The following VWC2 variants were observed in gnomAD, a reference collection of about 807,000 sequenced individuals.
VWC2 encodes von Willebrand factor C domain containing 2, also known as brorin.
In VWC2, 14 loss-of-function variants were observed where a neutral mutation model predicts 29.8. That is an observed-to-expected ratio of 0.47 (90% CI 0.31 to 0.74). VWC2 has a LOEUF of 0.74. Among genes scored for constraint, VWC2 ranks in the 30% least tolerant of loss-of-function variants. The pLI is 0.05. For missense variants in VWC2, 457 were observed against 459.8 expected, an observed-to-expected ratio of 0.99 and a Z score of 0.05; for synonymous variants, 213 against 199.0, an observed-to-expected ratio of 1.07 and a Z score of -0.59.
In VWC2 at chr7:49,905,531, T is replaced by C. The variant is rs1793037981; in HGVS notation, c.827-6503T>C. On this transcript the variant is annotated intron_variant, in intron 3 of 3. Coordinates refer to ENST00000340652, the MANE Select transcript of VWC2 (RefSeq NM_198570.5). Reference sequence around the variant, plus strand: ...ATTTTAATGTGAGGTAAACCTTGATTTCTATCATTTAAAAAAGAGTTTTAT... The same window carrying C: ...ATTTTAATGTGAGGTAAACCTTGATCTCTATCATTTAAAAAAGAGTTTTAT... Among the ~76,000 whole-genome samples the C allele has an allele frequency of 2.0e-5, 3 of 152,374 alleles. 1 individual carries two copies. In the South Asian group the frequency reaches 6.2e-4, roughly 32 times the overall value.
intron 3 of VWC2, among the ~76,000 whole-genome samples, chr7:49,829,482 C>T (rs1307588480): frequency 1.3e-5 from 2 of 152,220 alleles, no homozygotes; most frequent in Non-Finnish European, 2.9e-5. Context: ...GGCAGCCTGG[C>T]AGGGTATCTG....
At chr7:49,804,326 G>C (rs1041923926) in intron 3 of VWC2, among the ~76,000 whole-genome samples, 2 of 152,146 alleles carry the variant, frequency 1.3e-5, no homozygotes, top group South Asian at 4.2e-4. Flanking sequence ...ATCTGGCAGA[G>C]TCTCGGTGTG....
intron 3 of VWC2, among the ~76,000 whole-genome samples, chr7:49,829,364 TA>T (rs1337008782): frequency 6.6e-6 from 1 of 152,158 alleles, no homozygotes; most frequent in African/African-American, 2.4e-5. Flanking sequence ...TTTGGGTTTC[TA>T]GGGAGTTCCT....
At chr7:49,834,723 A>T (rs1278531942) in intron 3 of VWC2, among the ~76,000 whole-genome samples, 1 of 152,214 alleles carries the variant, frequency 6.6e-6, no homozygotes, top group Non-Finnish European at 1.5e-5. Context: ...CAAATCCCAG[A>T]GTAATATCAG....
chr7:49,861,123 T>C (rs1374058914), intron 3 of VWC2, among the ~76,000 whole-genome samples: 1 of 152,240 alleles, frequency 6.6e-6, no homozygotes. Context: ...AGGGTTTCAA[T>C]TTACAAGCAT....
chr7:49,901,915 A>AGCTAACACTGTTTGCTAACACT (rs1792758807), intron 3 of VWC2, among the ~76,000 whole-genome samples: 1 of 137,914 alleles, frequency 7.3e-6, no homozygotes, highest in African/African-American at 2.8e-5. Context: ...TTGCTAACAG[A>AGCTAACACTGTTTGCTAACACT]GTAAACATAG....
chr7:49,788,214 A>C (rs1788344753), intron 2 of VWC2, among the ~76,000 whole-genome samples: 1 of 152,168 alleles, frequency 6.6e-6, no homozygotes. Context: ...GTGTTGAAGG[A>C]GCTTTAACAA....
intron 3 of VWC2, among the ~76,000 whole-genome samples, chr7:49,849,105 TC>T (rs1790073132): frequency 6.6e-6 from 1 of 152,294 alleles, no homozygotes; most frequent in South Asian, 2.1e-4. Context: ...GTACTGTATT[TC>T]TTATTTCTCA....
intron 3 of VWC2, among the ~76,000 whole-genome samples, chr7:49,872,431 T>C (rs1222193157): frequency 1.3e-5 from 2 of 151,950 alleles, no homozygotes; most frequent in Non-Finnish European, 2.9e-5. Flanking sequence ...TCATAGTATA[T>C]GCAAAAATAA....
intron 3 of VWC2, among the ~76,000 whole-genome samples, chr7:49,857,369 C>A (rs1287717779): frequency 6.6e-6 from 1 of 152,174 alleles, no homozygotes; most frequent in East Asian, 1.9e-4. Context: ...GGATTTCCTT[C>A]TTTTTTAAGC....
chr7:49,823,613 T>C (rs1007285313), intron 3 of VWC2, among the ~76,000 whole-genome samples: 2 of 152,180 alleles, frequency 1.3e-5, no homozygotes, highest in Non-Finnish European at 1.5e-5. Context: ...ATGTGTTTAT[T>C]ATAATTCAGC....
intron 3 of VWC2, among the ~76,000 whole-genome samples, chr7:49,898,789 T>C (rs1792538414): frequency 6.6e-6 from 1 of 152,102 alleles, no homozygotes; most frequent in African/African-American, 2.4e-5. Context: ...AGCTGACTTA[T>C]GTTAGCTGTA....
intron 2 of VWC2, among the ~76,000 whole-genome samples, chr7:49,798,071 T>C (rs181187994): frequency 6.6e-6 from 1 of 152,344 alleles, no homozygotes; most frequent in Admixed American, 6.5e-5. Context: ...AAAATGTGCA[T>C]GGAAGTTCCT....
At chr7:49,837,088 T>C (rs1789682372) in intron 3 of VWC2, among the ~76,000 whole-genome samples, 1 of 152,250 alleles carries the variant, frequency 6.6e-6, no homozygotes, top group Non-Finnish European at 1.5e-5. Flanking sequence ...GTGGCAACTA[T>C]TGAAGTGAGT....
chr7:49,842,730 G>A (rs1196845918), intron 3 of VWC2, among the ~76,000 whole-genome samples: 1 of 152,218 alleles, frequency 6.6e-6, no homozygotes, highest in East Asian at 1.9e-4. Flanking sequence ...TTTCCCTGGA[G>A]ATGCTGAAAT....
At chr7:49,832,606 T>G (rs1789561441) in intron 3 of VWC2, among the ~76,000 whole-genome samples, 1 of 152,148 alleles carries the variant, frequency 6.6e-6, no homozygotes. Context: ...AATCTCCTGT[T>G]TTTTAGGAAA....
chr7:49,891,200 A>T (rs1411826232), intron 3 of VWC2, among the ~76,000 whole-genome samples: 1 of 152,228 alleles, frequency 6.6e-6, no homozygotes, highest in Non-Finnish European at 1.5e-5. Context: ...AACCAAAAAA[A>T]TGCAGTTAGC....
chr7:49,793,379 C>G (rs1367002000), intron 2 of VWC2, among the ~76,000 whole-genome samples: 3 of 151,522 alleles, frequency 2.0e-5, no homozygotes, highest in African/African-American at 7.3e-5. Context: ...AGAAACAAAC[C>G]TGCCCTCTCA....
rs1380134422 is a variant in VWC2 at position 49,802,765 on chromosome 7, G to C, written c.751G>C (p.Val251Leu). The C allele has an allele frequency of 6.2e-7, 1 of 1,614,130 alleles. No homozygotes were observed. The highest frequency in any genetic ancestry group is 2.2e-5 in the East Asian group (1 of 44,898). The change falls in exon 3 of 4, where the codon GTG becomes CTG. Residue 251 changes from valine to leucine, a missense_variant. By Grantham distance (32) the Val-to-Leu change is conservative. Transcript: ENST00000340652. ...CEANGEVLCTVSACPQTECVD... is the reference protein window; with the variant it reads ...CEANGEVLCTLSACPQTECVD... ...AGCCAACGGTGAGGTGCTATGCACA[G>C]TGTCAGCGTGTCCCCAGACGGAGTG...
Sources: allele counts gnomAD v4.1 joint callset (sites outside exome capture counted in the v4.1 genomes callset), GRCh38; gene constraint gnomAD v4.1.1; transcripts MANE v1.5; gene names NCBI Gene and HGNC (gene_info 2026-07-23, HGNC 2026-07-21).